Variants in DPP6 observed in about 807,000 individuals in gnomAD.
DPP6 encodes the protein A-type potassium channel modulatory protein DPP6.
A neutral mutation model predicts 122.6 loss-of-function variants in DPP6; 69 were observed. The observed-to-expected ratio is 0.56, with a 90% CI of 0.46 to 0.69. The LOEUF is 0.69. Among genes scored for constraint, DPP6 ranks in the 30% least tolerant of loss-of-function variants. DPP6 has a pLI of 0.00. For missense variants in DPP6, 928 were observed against 1,116.9 expected (o/e 0.83, Z 2.41); for synonymous variants, 418 against 433.1 (o/e 0.97, Z 0.43).
chr7:154,746,713 T>A (rs1006068511), intron 8 of DPP6, among the ~76,000 whole-genome samples: 3 of 152,186 alleles, frequency 2.0e-5, no homozygotes, highest in Non-Finnish European at 4.4e-5. Flanking sequence ...AAAAGAGTAT[T>A]CACTGTGACT....
At chr7:154,726,362 G>T (rs59699501) in intron 7 of DPP6, among the ~76,000 whole-genome samples, 3 of 152,164 alleles carry the variant, frequency 2.0e-5, no homozygotes, top group African/African-American at 4.8e-5. Context: ...TGAAATTTAG[G>T]TGGATACTCC....
chr7:153,815,073 A>C, the DPP6 span, among the ~76,000 whole-genome samples: 3 of 151,964 alleles, frequency 2.0e-5, no homozygotes, highest in African/African-American at 7.3e-5. Context: ...CTCTCTCACC[A>C]CTCCTATTCA....
rs905828695 is a variant in DPP6, at chr7:154,123,482, A to G, written c.243+70419A>G. ...ATTTCATAAACCAGGATACATGATC[A>G]TTTACTTCCTGATAGCTTGCTTCTC... On this transcript the variant is annotated intron_variant, in intron 1 of 25. Coordinates refer to ENST00000377770, the MANE Select transcript of DPP6 (RefSeq NM_130797.4). Among the ~76,000 whole-genome samples, 67 of 152,230 alleles carry G rather than the reference A, an allele frequency of 4.4e-4. 2 individuals are homozygous for G. The highest frequency in any genetic ancestry group is 1.2e-4 in the Non-Finnish European group (8 of 68,008).
chr7:153,934,654 A>G (rs4726348), intron 1 of DPP6, among the ~76,000 whole-genome samples: 46,062 of 152,108 alleles, frequency 0.3, 6,989 homozygotes, highest in Admixed American at 0.34. Context: ...ACACTCACGT[A>G]CATACAAACA....
chr7:154,193,273 CT>C (rs1028547541), intron 1 of DPP6, among the ~76,000 whole-genome samples: 1 of 152,194 alleles, frequency 6.6e-6, no homozygotes, highest in African/African-American at 2.4e-5. Context: ...TACAAGACAT[CT>C]TGGAAGTGAT....
At chr7:153,902,573 A>G (rs958363679) in intron 1 of DPP6, among the ~76,000 whole-genome samples, 4 of 152,044 alleles carry the variant, frequency 2.6e-5, no homozygotes, top group African/African-American at 9.7e-5. Context: ...GGTGGCTCAC[A>G]CCTGTAATCC....
intron 8 of DPP6, among the ~76,000 whole-genome samples, chr7:154,746,010 G>A (rs953175444): frequency 6.6e-6 from 1 of 152,200 alleles, no homozygotes; most frequent in Admixed American, 6.5e-5. Context: ...ATCAAAGCTA[G>A]GGTGTTGATT....
At chr7:154,709,021 C>A (rs2131295314) in intron 7 of DPP6, among the ~76,000 whole-genome samples, 1 of 151,522 alleles carries the variant, frequency 6.6e-6, no homozygotes, top group Middle Eastern at 3.4e-3. Context: ...GCAGTCCAGC[C>A]TCACCGACAG....
chr7:154,535,754 T>C (rs1363313989), intron 3 of DPP6, among the ~76,000 whole-genome samples: 1 of 151,888 alleles, frequency 6.6e-6, no homozygotes, highest in Non-Finnish European at 1.5e-5. Context: ...AAATCACCCA[T>C]AATCACATGA....
At chr7:154,021,778 G>A (rs528857363) in intron 1 of DPP6, among the ~76,000 whole-genome samples, 1 of 152,300 alleles carries the variant, frequency 6.6e-6, no homozygotes, top group African/African-American at 2.4e-5. Flanking sequence ...CTCCTATGGT[G>A]TCCCAGCTCC....
At chr7:154,153,557 T>C (rs1180053973) in intron 1 of DPP6, among the ~76,000 whole-genome samples, 1 of 152,184 alleles carries the variant, frequency 6.6e-6, no homozygotes, top group Non-Finnish European at 1.5e-5. Context: ...TGGGTGCTTC[T>C]GAAATGGCCA....
At chr7:154,864,933 G>T (rs1803726819) in intron 17 of DPP6, among the ~76,000 whole-genome samples, 1 of 152,202 alleles carries the variant, frequency 6.6e-6, no homozygotes. Flanking sequence ...AACTCAGTAG[G>T]CAGCAGAGAA....
Position 154,481,225 on chromosome 7 carries a change from G to A in DPP6, c.457+6188G>A, listed in dbSNP as rs1298824226. On this transcript the variant is annotated intron_variant, in intron 3 of 25. Transcript: ENST00000377770. This position sits in a 1 kb window ranked among gnomAD's most constrained non-coding sequence, Gnocchi z 4.2. ...CAAGTTTCTCACTTATCCTCACTTT[G>A]TACTCCCTGAGGGGAAATAATTCAC... Among the ~76,000 whole-genome samples, 2 of 152,044 alleles carry A rather than the reference G, an allele frequency of 1.3e-5. No homozygotes were observed. Among genetic ancestry groups the A allele is most frequent in the Admixed American group, 6.6e-5 (1 of 15,266 alleles).
intron 1 of DPP6, among the ~76,000 whole-genome samples, chr7:154,417,431 C>T (rs555849654): frequency 5.3e-5 from 8 of 152,286 alleles, no homozygotes; most frequent in Admixed American, 2.6e-4. Flanking sequence ...ACTTTCTAAA[C>T]GGAAGTCCTA....
At chr7:154,057,411 T>A in intron 1 of DPP6, 2 of 204,736 alleles carry the variant, frequency 9.8e-6, no homozygotes, top group Non-Finnish European at 1.7e-5. Context: ...CCATCGGGGA[T>A]CCTAAGATCC....
intron 8 of DPP6, among the ~76,000 whole-genome samples, chr7:154,750,428 C>T (rs998812481): frequency 6.6e-6 from 1 of 152,248 alleles, no homozygotes; most frequent in Non-Finnish European, 1.5e-5. Context: ...TGGAGGTTCC[C>T]AGCGGCGGGT....
At chr7:154,658,695 C>T (rs1461022683) in intron 6 of DPP6, among the ~76,000 whole-genome samples, 3 of 152,128 alleles carry the variant, frequency 2.0e-5, no homozygotes, top group African/African-American at 7.2e-5. Context: ...CTCTGTCTGC[C>T]CCACACCTCC....
At chr7:154,832,354 A>G (rs1800696980) in intron 16 of DPP6, among the ~76,000 whole-genome samples, 2 of 152,172 alleles carry the variant, frequency 1.3e-5, no homozygotes, top group Admixed American at 1.3e-4. Context: ...GTTGGAACCA[A>G]CGATAAGTAT....
At chr7:154,612,906 C>A (rs991171072) in intron 5 of DPP6, among the ~76,000 whole-genome samples, 27 of 152,174 alleles carry the variant, frequency 1.8e-4, no homozygotes, top group African/African-American at 6.5e-4. Flanking sequence ...GACTGAGTAG[C>A]TTCACAGAAG....
Sources: allele counts gnomAD v4.1 joint callset (sites outside exome capture counted in the v4.1 genomes callset), GRCh38; gene constraint gnomAD v4.1.1; non-coding constraint Gnocchi (gnomAD v3.1); transcripts MANE v1.5; gene names NCBI Gene and HGNC (gene_info 2026-07-23, HGNC 2026-07-21).